The following CUX1 variants were observed in gnomAD, a reference collection of about 807,000 sequenced individuals.
CUX1 encodes the protein cut like homeobox 1.
Under a neutral mutation model 158.8 loss-of-function variants are expected in CUX1, and 31 were observed. That is an observed-to-expected ratio of 0.20 (90% CI 0.15 to 0.26). The LOEUF (loss-of-function observed/expected upper bound fraction) is 0.26, where lower values mean the gene tolerates loss of function less well. Among genes scored for constraint, CUX1 ranks in the 10% least tolerant of loss-of-function variants. The probability of loss-of-function intolerance (pLI) is 1.00; values close to 1 mark genes in which losing one functional copy is unlikely to be tolerated. For missense variants in CUX1, 1,589 were observed against 2,014.6 expected (o/e 0.79, Z 4.04); for synonymous variants, 879 against 862.1 (o/e 1.02, Z -0.34).
At chr7:102,215,837 C>T (rs1003067800) in intron 20 of CUX1, among the ~76,000 whole-genome samples, 1 of 152,164 alleles carries the variant, frequency 6.6e-6, no homozygotes, top group African/African-American at 2.4e-5. Context: ...AGACATTACC[C>T]GCACACTGGG....
chr7:101,884,578 A>G (rs901446543), intron 1 of CUX1, among the ~76,000 whole-genome samples: 13 of 152,198 alleles, frequency 8.5e-5, no homozygotes, highest in Non-Finnish European at 1.9e-4. Flanking sequence ...GTGCCTGGGA[A>G]AGCAGGCTTC....
At chr7:102,161,486 C>G (rs1166145315) in intron 9 of CUX1, 1 of 152,208 alleles carries the variant, frequency 6.6e-6, no homozygotes, top group Non-Finnish European at 1.5e-5. Context: ...ACCAACAACT[C>G]AGCCAGAGTT....
chr7:102,007,091 G>A (rs1469848537), intron 2 of CUX1, among the ~76,000 whole-genome samples: 3 of 152,158 alleles, frequency 2.0e-5, no homozygotes, highest in East Asian at 1.9e-4. Flanking sequence ...TAGATGCCCC[G>A]AGGTCTTCAC....
intron 4 of CUX1, among the ~76,000 whole-genome samples, chr7:102,082,453 G>C (rs1235057940): frequency 6.8e-6 from 1 of 147,048 alleles, no homozygotes; most frequent in African/African-American, 2.4e-5. Flanking sequence ...TTGAACCCAG[G>C]AGGTACAGTG....
chr7:102,010,439 A>G (rs1174925688), intron 2 of CUX1, among the ~76,000 whole-genome samples: 3 of 151,456 alleles, frequency 2.0e-5, no homozygotes, highest in Non-Finnish European at 4.4e-5. Flanking sequence ...ATGTGCTTAC[A>G]TAAGAAAGGG....
intron 3 of CUX1, among the ~76,000 whole-genome samples, chr7:102,052,157 G>A (rs1823585475): frequency 6.6e-6 from 1 of 151,482 alleles, no homozygotes; most frequent in Admixed American, 6.6e-5. Context: ...GGAGGCAGAG[G>A]TTGCAGTAAG....
chr7:102,123,937 A>T (rs559438631), intron 8 of CUX1, among the ~76,000 whole-genome samples: 1 of 152,248 alleles, frequency 6.6e-6, no homozygotes, highest in South Asian at 2.1e-4. Flanking sequence ...GTATGGGATT[A>T]CAGGCATGAG....
chr7:101,821,667 TTTTC>T (rs1792574501), intron 1 of CUX1, among the ~76,000 whole-genome samples: 7 of 121,430 alleles, frequency 5.8e-5, no homozygotes, highest in South Asian at 5.0e-4. Context: ...TTTTTTTCTT[TTTTC>T]TTTTTTTTTT....
chr7:102,200,289 T>C (rs1270455884), intron 17 of CUX1, 117 bp downstream of exon 17: 1 of 773,684 alleles, frequency 1.3e-6, no homozygotes, highest in Non-Finnish European at 2.0e-6. Context: ...ATGCCTGTTC[T>C]CAAGCATTTA....
At chr7:101,997,799 T>C (rs17134965) in intron 2 of CUX1, among the ~76,000 whole-genome samples, 6,232 of 151,550 alleles carry the variant, frequency 0.041, 498 homozygotes, top group African/African-American at 0.14. Flanking sequence ...ACAGGGTCTT[T>C]GCCACAGCTC....
At chr7:102,277,940 C>A in intron 17 of CUX1, 4 of 1,468,512 alleles carry the variant, frequency 2.7e-6, no homozygotes, top group East Asian at 2.5e-5. Flanking sequence ...CTTGCCCCTC[C>A]CCCCCCAGGA....
chr7:102,205,067 C>T lies in CUX1; in HGVS notation c.3074-47C>T, dbSNP rs202060596. On this transcript the variant is annotated intron_variant, in intron 19 of 23. Transcript: ENST00000292535. ...CCACATTCAGTTAGGAAGCTTTAAG[C>T]CCTGGGCCGCGTTCCTTCCTTTAAT... 1.8e-5 allele frequency: 24 copies of T among 1,337,206 alleles called. No homozygotes were observed. The East Asian group carries it at 5.5e-4, about 31-fold the overall frequency. 82.8% of individuals were successfully genotyped at this position (1,337,206 alleles called of 1,614,324 possible). A position where few individuals can be genotyped will look rare whatever the true frequency, so the allele number is the denominator to read the frequency against.
rs113330915 is a variant in CUX1 at position 101,968,719 on chromosome 7, G to A, written c.141+52494G>A. On this transcript the variant is annotated intron_variant, in intron 2 of 23. Coordinates refer to ENST00000292535, the MANE Select transcript of CUX1 (RefSeq NM_181552.4). ...ATTATAGGCATGAGCCACCATGCCC[G>A]GCCTGAAGAGCCTAGAATTCTTCAG... Among the ~76,000 whole-genome samples the A allele has an allele frequency of 1.2e-4, 18 of 152,214 alleles. 1 individual carries two copies. Among genetic ancestry groups the A allele is most frequent in the African/African-American group, 3.1e-4 (13 of 41,544 alleles).
In CUX1 at chr7:102,252,159, T is replaced by C. The variant is rs1337577744; in HGVS notation, c.*3117T>C. The C allele has an allele frequency of 1.1e-5, 11 of 985,300 alleles. No homozygotes were observed. The African/African-American group carries it at 1.9e-4, about 17-fold the overall frequency. 61.0% of individuals were successfully genotyped at this position (985,300 alleles called of 1,614,324 possible). On this transcript the variant is annotated 3_prime_UTR_variant, in exon 24 of 24. Transcript: ENST00000292535. ...AAATAGAGATCCTAACCTTAGATCTTTGATGTGAAGCTAGCACTGTCTGTA... is the reference window on the plus strand; with the variant it reads ...AAATAGAGATCCTAACCTTAGATCTCTGATGTGAAGCTAGCACTGTCTGTA...
At chr7:102,259,012 C>T (rs552866656), downstream of CUX1, among the ~76,000 whole-genome samples, 3 of 152,238 alleles carry the variant, frequency 2.0e-5, no homozygotes, top group East Asian at 1.9e-4. Flanking sequence ...TCTGCCAGGC[C>T]GACGTGTGTC....
chr7:102,034,081 G>T (rs1163460614), intron 3 of CUX1, among the ~76,000 whole-genome samples: 1 of 145,652 alleles, frequency 6.9e-6, no homozygotes, highest in Non-Finnish European at 1.5e-5. Context: ...AGCAGGCGGA[G>T]GTTGCGGTGA....
chr7:102,280,710 G>A lies in CUX1; in HGVS notation c.1765-94G>A, dbSNP rs1791998615. 3 of 1,304,618 alleles carry A rather than the reference G, an allele frequency of 2.3e-6. No homozygotes were observed. The South Asian group carries it at 3.7e-5, about 16-fold the overall frequency. 80.8% of individuals were successfully genotyped at this position (1,304,618 alleles called of 1,614,324 possible). A position where few individuals can be genotyped will look rare whatever the true frequency, so the allele number is the denominator to read the frequency against. ...GGGGGTCTGCAAGAACAGCGGGCAG[G>A]GTGTCCTGTGGCTGGCCAGGCCCTG... On this transcript the variant is annotated intron_variant, in intron 19 of 22. Coordinates refer to the CUX1 transcript ENST00000292538.
chr7:102,061,972 T>C (rs1436516272), intron 3 of CUX1, among the ~76,000 whole-genome samples: 1 of 152,066 alleles, frequency 6.6e-6, no homozygotes, highest in Non-Finnish European at 1.5e-5. Flanking sequence ...CAACCAAAGA[T>C]CATTTCTTGT....
Position 102,196,701 on chromosome 7 carries a change from T to A in CUX1, c.1290T>A (p.Pro430=), listed in dbSNP as rs782593141. Residue 430 remains proline, a synonymous_variant, in exon 15 of 24, where the codon CCT becomes CCA. Transcript: ENST00000292535. ...SRRPGSLPAP[P]PSQLPRNPGE... is the part of the protein sequence containing the mutation. ...GCCCGGGATCTTTGCCGGCCCCCCC[T>A]CCTTCTCAGTTGCCCCGCAACCCGG... is the stretch of plus-strand genomic sequence containing the variant. The A allele has an allele frequency of 8.8e-5, 141 of 1,608,028 alleles. No homozygotes were observed. The highest frequency in any genetic ancestry group is 1.2e-4 in the Non-Finnish European group (137 of 1,176,300).
Sources: gnomAD v4.1 joint callset for allele counts (sites outside exome capture counted in the v4.1 genomes callset) on GRCh38, gnomAD v4.1.1 for gene constraint, MANE v1.5 for transcripts, NCBI Gene and HGNC (gene_info 2026-07-23, HGNC 2026-07-21) for gene names.